The following WNT5A variants were observed in gnomAD, a reference collection of about 807,000 sequenced individuals.
WNT5A encodes protein Wnt-5a.
A neutral mutation model predicts 42.1 loss-of-function variants in WNT5A; 9 were observed. The observed-to-expected ratio is 0.21, with a 90% confidence interval of 0.13 to 0.37. WNT5A has a LOEUF of 0.37. Among genes scored for constraint, WNT5A ranks in the 10% least tolerant of loss-of-function variants. The pLI is 1.00. For synonymous variants in WNT5A, 210 were observed against 210.0 expected, an observed-to-expected ratio of 1.00 and a Z score of 0.00; for missense variants, 426 against 534.0, an observed-to-expected ratio of 0.80 and a Z score of 1.99.
chr3:55,491,619 A>AC (rs540337204), upstream of WNT5A, among the ~76,000 whole-genome samples: 143 of 151,988 alleles, frequency 9.4e-4, no homozygotes, highest in African/African-American at 3.2e-3. Flanking sequence ...GGGAAAATCT[A>AC]CCCCCCTTTT....
intron 1 of WNT5A, among the ~76,000 whole-genome samples, chr3:55,482,638 C>T (rs1291788396): frequency 2.0e-5 from 3 of 152,144 alleles, no homozygotes; most frequent in Non-Finnish European, 4.4e-5. Flanking sequence ...GTCCCCAGCG[C>T]CTGCTAAGCA....
In WNT5A at chr3:55,474,321, G is replaced by A. The variant is rs745452022; in HGVS notation, c.684+16C>T. On this transcript the variant is annotated intron_variant, in intron 4 of 4. Transcript: ENST00000264634. ...GAAGACAGAGATGCGGGGCGGGGGC[G>A]AGACGCGGCACTCACCCTGCGGCCG... The A allele has an allele frequency of 1.9e-6, 3 of 1,612,518 alleles. No individual in the cohort carries two copies. Among genetic ancestry groups the A allele is most frequent in the East Asian group, 2.2e-5 (1 of 44,806 alleles).
intron 3 of WNT5A, among the ~76,000 whole-genome samples, chr3:55,477,749 A>C (rs1020922887): frequency 6.6e-6 from 1 of 152,212 alleles, no homozygotes; most frequent in African/African-American, 2.4e-5. Context: ...AAAACAGGCT[A>C]CGTATGAAAA....
At chr3:55,494,877 TCCC>T, upstream of WNT5A, among the ~76,000 whole-genome samples, 1 of 152,104 alleles carries the variant, frequency 6.6e-6, no homozygotes, top group Admixed American at 6.5e-5. Context: ...ACCAAATTCA[TCCC>T]TTCCAGATAA....
Position 55,469,272 on chromosome 3 carries a change from A to G in WNT5A, c.*820T>C, listed in dbSNP as rs2051201250. Reference sequence around the variant, plus strand: ...ATTTATGTTCAAGCCAACCTCCCCAAACAAAAAAATCTAGTGTCCAGAATC... The same window carrying G: ...ATTTATGTTCAAGCCAACCTCCCCAGACAAAAAAATCTAGTGTCCAGAATC... On this transcript the variant is annotated 3_prime_UTR_variant, in exon 5 of 5. Coordinates refer to ENST00000264634, the MANE Select transcript of WNT5A (RefSeq NM_003392.7). 1.3e-5 allele frequency: 2 copies of G among 150,344 alleles called. No homozygotes were observed. Among genetic ancestry groups the G allele is most frequent in the African/African-American group, 2.5e-5 (1 of 40,206 alleles). 9.3% of individuals were successfully genotyped at this position (150,344 alleles called of 1,614,324 possible).
In WNT5A at chr3:55,480,908, C is replaced by T. The variant is rs776543464; in HGVS notation, c.17G>A (p.Gly6Glu). MKKSI[G>E]ILSPGVALGM... ...CAAAGCAACTCCTGGGCTTAATATTCCAATGGACTTCTGGAGAGGGAAGAA... is the reference window on the plus strand; with the variant it reads ...CAAAGCAACTCCTGGGCTTAATATTTCAATGGACTTCTGGAGAGGGAAGAA... Residue 6 changes from glycine to glutamate, a missense_variant, in exon 2 of 5, where the codon GGA becomes GAA. Physicochemically the swap from Gly to Glu is moderately conservative, Grantham distance 98 (BLOSUM62 -2). Around this residue, in one of 3 missense-constraint regions of WNT5A, gnomAD observed 62 missense variants for 49.0 expected, o/e 1.26. Coordinates refer to ENST00000264634, the MANE Select transcript of WNT5A (RefSeq NM_003392.7). The T allele has an allele frequency of 1.3e-6, 2 of 1,554,374 alleles. No homozygotes were observed. Among genetic ancestry groups the T allele is most frequent in the South Asian group, 1.3e-5 (1 of 79,062 alleles).
At chr3:55,484,487 T>G (rs547171064) in intron 1 of WNT5A, among the ~76,000 whole-genome samples, 1 of 152,178 alleles carries the variant, frequency 6.6e-6, no homozygotes, top group African/African-American at 2.4e-5. Context: ...GAGGAGGGAA[T>G]TGCCAGATAG....
chr3:55,470,616 A>G, intron 4 of WNT5A, 66 bp from the exon 5 acceptor site: 1 of 1,393,440 alleles, frequency 7.2e-7, no homozygotes, highest in East Asian at 2.5e-5. Context: ...CTATAGGAAC[A>G]AAGTTCTCCT....
chr3:55,485,283 ACCGCGGGGAAGAAAAGG>A (rs2051555614), intron 1 of WNT5A, among the ~76,000 whole-genome samples: 1 of 139,160 alleles, frequency 7.2e-6, no homozygotes, highest in South Asian at 2.6e-4. Context: ...CCGGCACCGC[ACCGCGGGGAAGAAAAGG>A]CCGCGGGGAT....
At chr3:55,473,472 A>G (rs1025425435) in intron 4 of WNT5A, among the ~76,000 whole-genome samples, 3 of 152,228 alleles carry the variant, frequency 2.0e-5, no homozygotes, top group African/African-American at 7.2e-5. Flanking sequence ...CAGGAAAAAA[A>G]GGGTCTTTTT....
chr3:55,482,374 CG>C (rs2051484726), intron 1 of WNT5A, among the ~76,000 whole-genome samples: 1 of 152,164 alleles, frequency 6.6e-6, no homozygotes, highest in Non-Finnish European at 1.5e-5. Context: ...TCCCCTTACA[CG>C]TAAGTCTAAC....
the WNT5A span, among the ~76,000 whole-genome samples, chr3:55,501,994 T>G: frequency 6.6e-6 from 1 of 152,180 alleles, no homozygotes; most frequent in Non-Finnish European, 1.5e-5. Context: ...AAGGCCCCAT[T>G]TAGTTAGATT....
chr3:55,473,489 T>C (rs1379724095), intron 4 of WNT5A, among the ~76,000 whole-genome samples: 2 of 152,180 alleles, frequency 1.3e-5, no homozygotes, highest in East Asian at 3.9e-4. Context: ...TTTTAACTAT[T>C]GAGAAGTAGC....
rs752974227 is a variant in WNT5A at position 55,470,303 on chromosome 3, C to A, written c.932G>T (p.Arg311Leu). The A allele has an allele frequency of 6.2e-6, 10 of 1,614,046 alleles. No homozygotes were observed. The East Asian group carries it at 2.0e-4, about 32-fold the overall frequency. ...GCCCAGCGAGCCGGTGCTCTCATTG[C>A]GCACGCAGTAGTCAGGGCTGGGGTC... ...YIDPSPDYCV[R>L]NESTGSLGTQ... The change falls in exon 5 of 5, where the codon CGC (arginine) becomes CTC (leucine). Residue 311 changes from arginine (R) to leucine (L), a missense_variant. By Grantham distance (102) the Arg-to-Leu change is moderately radical (BLOSUM62 -2). Around this residue, in one of 3 missense-constraint regions of WNT5A, gnomAD observed 358 missense variants for 468.1 expected, o/e 0.76. Coordinates refer to ENST00000264634, the MANE Select transcript of WNT5A (RefSeq NM_003392.7).
intron 4 of WNT5A, among the ~76,000 whole-genome samples, chr3:55,473,707 C>T (rs1378544816): frequency 6.6e-6 from 1 of 152,124 alleles, no homozygotes; most frequent in Non-Finnish European, 1.5e-5. Flanking sequence ...ACCCTCCATC[C>T]ATCAGGCCTG....
At chr3:55,473,528 G>A (rs773713979) in intron 4 of WNT5A, among the ~76,000 whole-genome samples, 9 of 152,224 alleles carry the variant, frequency 5.9e-5, no homozygotes, top group Non-Finnish European at 1.0e-4. Flanking sequence ...GGGAAGGAAA[G>A]AGCGGGAACC....
chr3:55,503,072 G>T, the WNT5A span, among the ~76,000 whole-genome samples: 1 of 152,174 alleles, frequency 6.6e-6, no homozygotes, highest in Non-Finnish European at 1.5e-5. Flanking sequence ...AATTATACAA[G>T]TCTTTCCTTC....
In WNT5A at chr3:55,468,631, T is replaced by C. The variant is rs1252003980; in HGVS notation, c.*1461A>G. On this transcript the variant is annotated 3_prime_UTR_variant, in exon 5 of 5. Coordinates refer to ENST00000264634, the MANE Select transcript of WNT5A (RefSeq NM_003392.7). Reference sequence around the variant, plus strand: ...CACTGGCTGCAATGAGATATATTTATATTTATATTTATATATATGTATATA... The same window carrying C: ...CACTGGCTGCAATGAGATATATTTACATTTATATTTATATATATGTATATA... 1 of 149,544 alleles carries C rather than the reference T, an allele frequency of 6.7e-6. No individual in the cohort carries two copies. Among genetic ancestry groups the C allele is most frequent in the Non-Finnish European group, 1.5e-5 (1 of 67,504 alleles). 9.3% of individuals were successfully genotyped at this position (149,544 alleles called of 1,614,324 possible). A position where few individuals can be genotyped will look rare whatever the true frequency, so the allele number is the denominator to read the frequency against.
At chr3:55,503,227 G>A in the WNT5A span, among the ~76,000 whole-genome samples, 1 of 152,216 alleles carries the variant, frequency 6.6e-6, no homozygotes, top group East Asian at 1.9e-4. Context: ...TCTTGTGAGA[G>A]AATGGCTGGG....
Sources: allele counts gnomAD v4.1 joint callset (sites outside exome capture counted in the v4.1 genomes callset), GRCh38; gene constraint gnomAD v4.1.1; regional missense constraint gnomAD v4.1.1; transcripts MANE v1.5; gene names NCBI Gene and HGNC (gene_info 2026-07-23, HGNC 2026-07-21).